Variants in SPTLC3 observed in about 807,000 individuals in gnomAD.
SPTLC3 encodes serine palmitoyltransferase long chain base subunit 3.
Under a neutral mutation model 59.3 loss-of-function variants are expected in SPTLC3, and 36 were observed. That is an observed-to-expected ratio of 0.61 (90% CI 0.47 to 0.80). The LOEUF is 0.80. SPTLC3 is among the 30% of genes least tolerant of loss of function. The pLI is 0.00. For synonymous variants in SPTLC3, 257 were observed against 240.8 expected (o/e 1.07, Z -0.62); for missense variants, 625 against 685.1 (o/e 0.91, Z 0.98).
At chr20:13,046,788 T>A (rs1240208098) in intron 1 of SPTLC3, among the ~76,000 whole-genome samples, 2 of 152,232 alleles carry the variant, frequency 1.3e-5, no homozygotes, top group African/African-American at 4.8e-5. Flanking sequence ...GGGGTCTGTC[T>A]TGTTCATCTT....
At chr20:13,009,762 G>A (rs930101826) in intron 1 of SPTLC3, among the ~76,000 whole-genome samples, 1 of 152,148 alleles carries the variant, frequency 6.6e-6, no homozygotes, top group Non-Finnish European at 1.5e-5. Context: ...AGAAAAAGAG[G>A]AAGTGAAAGT....
chr20:13,028,706 A>C (rs1336867538), intron 1 of SPTLC3, among the ~76,000 whole-genome samples: 1 of 152,170 alleles, frequency 6.6e-6, no homozygotes, highest in Admixed American at 6.6e-5. Flanking sequence ...AGAATGGACT[A>C]TTCTTCTCTG....
At chr20:13,070,462 T>C (rs1988394652) in intron 2 of SPTLC3, among the ~76,000 whole-genome samples, 1 of 152,126 alleles carries the variant, frequency 6.6e-6, no homozygotes, top group African/African-American at 2.4e-5. Context: ...GTGCAGAGAA[T>C]GAGTGGGCAA....
intron 2 of SPTLC3, among the ~76,000 whole-genome samples, chr20:13,053,031 A>G (rs2876322): frequency 1 from 151,764 of 152,254 alleles, 75,638 homozygotes; most frequent in Middle Eastern, 1. Flanking sequence ...CCAGCACAGC[A>G]CTCGAGCTCT....
At chr20:13,026,516 A>G (rs1259156409) in intron 1 of SPTLC3, among the ~76,000 whole-genome samples, 1 of 152,144 alleles carries the variant, frequency 6.6e-6, no homozygotes, top group Non-Finnish European at 1.5e-5. Context: ...GGCCACGTGT[A>G]TGTCTTCTTT....
At chr20:13,091,845 T>A (rs995871827) in intron 5 of SPTLC3, among the ~76,000 whole-genome samples, 2 of 152,204 alleles carry the variant, frequency 1.3e-5, no homozygotes, top group Non-Finnish European at 2.9e-5. Flanking sequence ...GACAAAATAT[T>A]TGTCCTACAT....
At chr20:13,009,563 A>G (rs1985121660) in intron 1 of SPTLC3, among the ~76,000 whole-genome samples, 179 bp downstream of exon 1, 2 of 152,196 alleles carry the variant, frequency 1.3e-5, no homozygotes, top group Admixed American at 1.3e-4. Flanking sequence ...GTGTGGATTA[A>G]GGAGAAAATG....
intron 6 of SPTLC3, among the ~76,000 whole-genome samples, chr20:13,094,449 T>C (rs1989342134): frequency 2.0e-5 from 3 of 152,144 alleles, no homozygotes; most frequent in African/African-American, 7.2e-5. Flanking sequence ...ATTTGTTTTC[T>C]CTTTCTTCCT....
chr20:13,133,156 C>G (rs987108343), intron 9 of SPTLC3: 15 of 151,938 alleles, frequency 9.9e-5, no homozygotes, highest in Admixed American at 9.2e-4. Context: ...TTCTGCCAGG[C>G]CTCTTTCCCT....
intron 1 of SPTLC3, among the ~76,000 whole-genome samples, chr20:13,044,489 G>C (rs976573593): frequency 6.6e-6 from 1 of 152,084 alleles, no homozygotes; most frequent in Non-Finnish European, 1.5e-5. Context: ...AGTCCCTTTT[G>C]CTAGAGTCTG....
intron 1 of SPTLC3, among the ~76,000 whole-genome samples, chr20:13,020,934 T>G (rs771291006): frequency 5.2e-4 from 79 of 152,178 alleles, no homozygotes; most frequent in Non-Finnish European, 5.3e-4. Flanking sequence ...TAAATGATTA[T>G]TATCTATTAA....
intron 2 of SPTLC3, among the ~76,000 whole-genome samples, chr20:13,059,253 A>G (rs1051302085): frequency 6.6e-6 from 1 of 152,200 alleles, no homozygotes; most frequent in Non-Finnish European, 1.5e-5. Context: ...AGGAATGGGT[A>G]AAGGCTGCTT....
intron 1 of SPTLC3, among the ~76,000 whole-genome samples, chr20:13,024,443 G>A (rs1334477840): frequency 6.6e-6 from 1 of 151,980 alleles, no homozygotes; most frequent in Admixed American, 6.6e-5. Flanking sequence ...CATCTCAAAC[G>A]AAGTTGTAGA....
chr20:13,105,462 A>G (rs6109708), intron 6 of SPTLC3, among the ~76,000 whole-genome samples: 10,506 of 152,138 alleles, frequency 0.069, 388 homozygotes, highest in South Asian at 0.11. Context: ...CAGCGCGGCC[A>G]CCGAAAGTCT....
chr20:13,024,768 G>A (rs1986063889), intron 1 of SPTLC3, among the ~76,000 whole-genome samples: 1 of 152,172 alleles, frequency 6.6e-6, no homozygotes, highest in Non-Finnish European at 1.5e-5. Flanking sequence ...CCAGAAGGCT[G>A]TCTTCTAGAG....
chr20:13,110,213 T>C lies in SPTLC3; in HGVS notation c.928T>C (p.Tyr310His), dbSNP rs762813556. 2 of 1,612,870 alleles carry C rather than the reference T, an allele frequency of 1.2e-6. No individual in the cohort carries two copies. Among genetic ancestry groups the C allele is most frequent in the Non-Finnish European group, 1.7e-6 (2 of 1,179,446 alleles). The change falls in exon 7 of 12, where the codon TAC (tyrosine) becomes CAC (histidine). Residue 310 changes from tyrosine (Y) to histidine (H), a missense_variant. Coordinates refer to ENST00000399002, the MANE Select transcript of SPTLC3 (RefSeq NM_018327.4). ...GATTCTCATCCTGGTGGAGGGTGTC[T>C]ACAGGTATGTAAATAACAGGACACA... ...KKILILVEGVYSMEGSIVHLP... is the reference protein window; with the variant it reads ...KKILILVEGVHSMEGSIVHLP...
intron 4 of SPTLC3, among the ~76,000 whole-genome samples, chr20:13,080,498 ATCCATCCATCTCC>A: frequency 1.0e-5 from 1 of 96,626 alleles, no homozygotes; most frequent in African/African-American, 4.4e-5. Flanking sequence ...CCGAGTGAAA[ATCCATCCATCTCC>A]AAAAAAAAAA....
chr20:13,108,272 C>A (rs1277858466), intron 6 of SPTLC3, among the ~76,000 whole-genome samples: 3 of 152,218 alleles, frequency 2.0e-5, no homozygotes, highest in African/African-American at 7.2e-5. Context: ...AACACACACA[C>A]ACAAATATAT....
chr20:13,094,229 A>G (rs1374178893), intron 6 of SPTLC3, among the ~76,000 whole-genome samples: 1 of 152,160 alleles, frequency 6.6e-6, no homozygotes, highest in Non-Finnish European at 1.5e-5. Context: ...TTACTGTGTC[A>G]CTTTGTATAA....
Sources: gnomAD v4.1 joint callset for allele counts (sites outside exome capture counted in the v4.1 genomes callset) on GRCh38, gnomAD v4.1.1 for gene constraint, MANE v1.5 for transcripts, NCBI Gene and HGNC (gene_info 2026-07-23, HGNC 2026-07-21) for gene names.